LSAMP: variants seen among roughly 807,000 people sequenced by gnomAD.
The protein encoded by LSAMP is limbic system-associated membrane protein.
A neutral mutation model predicts 38.6 loss-of-function variants in LSAMP; 7 were observed. The ratio of observed to expected loss-of-function variants is 0.18; its 90% CI spans 0.10 to 0.34. LSAMP has a LOEUF of 0.34. LSAMP is among the 10% of genes least tolerant of loss of function. LSAMP has a pLI of 1.00. For missense variants in LSAMP, 313 were observed against 420.0 expected, an observed-to-expected ratio of 0.75 and a Z score of 2.23; for synonymous variants, 154 against 166.8, an observed-to-expected ratio of 0.92 and a Z score of 0.59.
At chr3:116,385,026 T>A (rs2048606880) in intron 1 of LSAMP, among the ~76,000 whole-genome samples, 1 of 151,810 alleles carries the variant, frequency 6.6e-6, no homozygotes, top group Non-Finnish European at 1.5e-5. Flanking sequence ...GGGGTGCATG[T>A]AAGTTACTGA....
Position 116,329,736 on chromosome 3 carries a change from C to T in LSAMP, c.155+115141G>A, listed in dbSNP as rs141769880. ...AGAACAAATATACCATCTACCTACA[C>T]TTCAAATGTTACAGAGCAGAATATC... On this transcript the variant is annotated intron_variant, in intron 1 of 6. Transcript: ENST00000490035. Among the ~76,000 whole-genome samples, 1,172 of 152,144 alleles carry T rather than the reference C, an allele frequency of 7.7e-3. 16 individuals carry two copies. Among genetic ancestry groups the T allele is most frequent in the Non-Finnish European group, 0.012 (842 of 67,988 alleles).
chr3:116,423,908 T>G (rs907620006), intron 1 of LSAMP, among the ~76,000 whole-genome samples: 6 of 151,872 alleles, frequency 4.0e-5, no homozygotes, highest in Non-Finnish European at 8.8e-5. Flanking sequence ...CACAGCAAGA[T>G]CAAAAAGAAA....
intron 1 of LSAMP, among the ~76,000 whole-genome samples, chr3:116,390,739 C>CAAAAA (rs60344430): frequency 3.6e-5 from 2 of 55,996 alleles, no homozygotes; most frequent in African/African-American, 6.3e-5. Flanking sequence ...GACTCCGCCT[C>CAAAAA]AAAAAAAAAA....
At chr3:116,276,173 C>A (rs1223944614) in intron 1 of LSAMP, among the ~76,000 whole-genome samples, 4 of 151,956 alleles carry the variant, frequency 2.6e-5, no homozygotes, top group African/African-American at 9.7e-5. Context: ...TGAAAAGGTG[C>A]AAAGAGAGAA....
At chr3:115,885,258 T>G (rs1343301143) in intron 3 of LSAMP, among the ~76,000 whole-genome samples, 1 of 151,946 alleles carries the variant, frequency 6.6e-6, no homozygotes, top group Admixed American at 6.6e-5. Flanking sequence ...TCATTCCTCT[T>G]TAGGAGAGAG....
At chr3:116,325,738 T>C (rs1259532295) in intron 1 of LSAMP, among the ~76,000 whole-genome samples, 2 of 152,190 alleles carry the variant, frequency 1.3e-5, no homozygotes, top group African/African-American at 4.8e-5. Flanking sequence ...AGTAACATCA[T>C]TTGCCTCTGA....
chr3:116,394,365 A>T (rs2048741692), intron 1 of LSAMP, among the ~76,000 whole-genome samples: 1 of 152,214 alleles, frequency 6.6e-6, no homozygotes, highest in South Asian at 2.1e-4. Flanking sequence ...TATTCATATA[A>T]GCCATTAATA....
At chr3:115,871,214 A>G (rs1936023203) in intron 3 of LSAMP, among the ~76,000 whole-genome samples, 1 of 152,166 alleles carries the variant, frequency 6.6e-6, no homozygotes. Context: ...GCATTCTCAT[A>G]GGGATTGGCA....
chr3:116,072,272 G>C (rs982438636), intron 2 of LSAMP, among the ~76,000 whole-genome samples: 1 of 152,060 alleles, frequency 6.6e-6, no homozygotes, highest in African/African-American at 2.4e-5. Flanking sequence ...ACCGCGCCCC[G>C]CCAGCATATT....
chr3:115,863,148 G>C (rs1286895940), intron 3 of LSAMP, among the ~76,000 whole-genome samples: 1 of 152,198 alleles, frequency 6.6e-6, no homozygotes, highest in Non-Finnish European at 1.5e-5. Context: ...AACTTGACAA[G>C]TCACTTCATT....
intron 3 of LSAMP, among the ~76,000 whole-genome samples, chr3:115,923,886 TTATAA>T (rs2107527501): frequency 6.6e-6 from 1 of 152,356 alleles, no homozygotes; most frequent in East Asian, 1.9e-4. Flanking sequence ...TAACATTGTA[TTATAA>T]TAGGTTTTTA....
rs148671252 is a variant in LSAMP, at chr3:116,162,752, C to T, written c.156-76196G>A. 8.5e-3 allele frequency among the ~76,000 whole-genome samples: 1,016 copies of T among 119,968 alleles called. 5 individuals are homozygous for T. Among genetic ancestry groups the T allele is most frequent in the Non-Finnish European group, 0.012 (726 of 58,502 alleles). The allele number at this position is 119,968 out of a possible 152,430, so 78.7% of individuals were successfully genotyped here. A position where few individuals can be genotyped will look rare whatever the true frequency, so the allele number is the denominator to read the frequency against. On this transcript the variant is annotated intron_variant, in intron 1 of 6. Coordinates refer to ENST00000490035, the MANE Select transcript of LSAMP (RefSeq NM_002338.5). ...AGAGTGTGTGTGTATATATACATAT[C>T]GTATACACACACTTATACACACACA...
At chr3:116,174,232 T>C (rs1710279507) in intron 1 of LSAMP, among the ~76,000 whole-genome samples, 1 of 152,038 alleles carries the variant, frequency 6.6e-6, no homozygotes, top group Admixed American at 6.6e-5. Flanking sequence ...TTATGACTAT[T>C]GATAATGACA....
chr3:115,992,669 A>C (rs1301402233), intron 3 of LSAMP, among the ~76,000 whole-genome samples: 1 of 152,136 alleles, frequency 6.6e-6, no homozygotes, highest in Non-Finnish European at 1.5e-5. Context: ...TCTTTCTACT[A>C]TTGTAGAAGA....
intron 3 of LSAMP, among the ~76,000 whole-genome samples, chr3:115,896,858 T>G (rs571296379): frequency 6.6e-6 from 1 of 152,232 alleles, no homozygotes; most frequent in African/African-American, 2.4e-5. Context: ...GATTCATAAG[T>G]GCAGGATTTC....
chr3:116,277,046 T>C (rs1438897056), intron 1 of LSAMP, among the ~76,000 whole-genome samples: 1 of 152,130 alleles, frequency 6.6e-6, no homozygotes, highest in Non-Finnish European at 1.5e-5. Flanking sequence ...ACAGAGGCAG[T>C]AGTGGCAGTA....
intron 3 of LSAMP, among the ~76,000 whole-genome samples, chr3:115,861,150 CTTCCTTCCT>C (rs1935678058): frequency 2.1e-5 from 1 of 48,226 alleles, no homozygotes; most frequent in East Asian, 8.9e-4. Context: ...TCCTTCCTTC[CTTCCTTCCT>C]TCCTTCCTTC....
chr3:116,316,030 A>C (rs1451452646), intron 1 of LSAMP, among the ~76,000 whole-genome samples: 1 of 152,220 alleles, frequency 6.6e-6, no homozygotes, highest in African/African-American at 2.4e-5. Flanking sequence ...ATAGTTAGAG[A>C]AGGTCAAGTG....
intron 3 of LSAMP, among the ~76,000 whole-genome samples, chr3:115,992,455 G>C (rs1939698335): frequency 6.6e-6 from 1 of 152,022 alleles, no homozygotes; most frequent in Admixed American, 6.6e-5. Flanking sequence ...AAGTGAGTAG[G>C]ACGATCAAAG....
Sources: gnomAD v4.1 joint callset for allele counts (sites outside exome capture counted in the v4.1 genomes callset) on GRCh38, gnomAD v4.1.1 for gene constraint, MANE v1.5 for transcripts, NCBI Gene and HGNC (gene_info 2026-07-23, HGNC 2026-07-21) for gene names.